KIAA0930: variants seen among roughly 807,000 people sequenced by gnomAD.
The protein encoded by KIAA0930 is KIAA0930, also known as uncharacterized protein KIAA0930.
Under a neutral mutation model 43.9 loss-of-function variants are expected in KIAA0930, and 24 were observed. That is an observed-to-expected ratio of 0.55 (90% CI 0.40 to 0.77). The LOEUF is 0.77. KIAA0930 is among the 30% of genes least tolerant of loss of function. The pLI is 0.00. For synonymous variants in KIAA0930, 259 were observed against 216.4 expected (o/e 1.20, Z -1.73); for missense variants, 461 against 574.2 (o/e 0.80, Z 2.02).
rs61250701 is a variant in KIAA0930, at chr22:45,239,733, C to T, written c.64+907G>A. Among the ~76,000 whole-genome samples the T allele has an allele frequency of 6.0e-3, 910 of 152,300 alleles. 7 individuals carry two copies. Among genetic ancestry groups the T allele is most frequent in the African/African-American group, 0.021 (863 of 41,548 alleles). ...GGCTGACATTCCGTACTCAGCAATG[C>T]TGTCACCCCCTCAGAAATCCCCAGC... On this transcript the variant is annotated intron_variant, in intron 1 of 9. Transcript: ENST00000336156.
rs552983711 is a variant in KIAA0930 at position 45,226,031 on chromosome 22, G to A, written c.65-13924C>T. 7.6e-4 allele frequency: 215 copies of A among 283,582 alleles called. 1 individual carries two copies. The highest frequency in any genetic ancestry group is 4.1e-3 in the African/African-American group (188 of 45,574). 17.6% of individuals were successfully genotyped at this position (283,582 alleles called of 1,614,324 possible). On this transcript the variant is annotated intron_variant, in intron 1 of 9. Coordinates refer to ENST00000336156, the MANE Select transcript of KIAA0930 (RefSeq NM_001009880.2). ...AGAAAAGGCCCTTTGCTGGCAGGGC[G>A]TCCGGGGCCCAGCGCAGGGCAGTAT...
In KIAA0930 at chr22:45,213,495, C is replaced by T. The variant is rs1200481917; in HGVS notation, c.65-1388G>A. On this transcript the variant is annotated intron_variant, in intron 1 of 9. Coordinates refer to ENST00000336156, the MANE Select transcript of KIAA0930 (RefSeq NM_001009880.2). ...CCCAGGCTCACAGGACCCGGGGGAA[C>T]GAAACACGCGTGCTGTCTGCAGAGT... 5.4e-5 allele frequency: 64 copies of T among 1,191,166 alleles called. 1 individual carries two copies. The South Asian group carries it at 9.2e-4, about 17-fold the overall frequency. 73.8% of individuals were successfully genotyped at this position (1,191,166 alleles called of 1,614,324 possible).
At chr22:45,235,891 C>T (rs1162907529) in intron 1 of KIAA0930, among the ~76,000 whole-genome samples, 1 of 152,240 alleles carries the variant, frequency 6.6e-6, no homozygotes, top group Non-Finnish European at 1.5e-5. Context: ...GCCCCCCGGC[C>T]CCCATCACTT....
chr22:45,211,375 T>A, intron 2 of KIAA0930: 1 of 398,764 alleles, frequency 2.5e-6, no homozygotes, highest in East Asian at 3.6e-5. Context: ...ACACTGCGAT[T>A]TAGTGGATGA....
intron 1 of KIAA0930, among the ~76,000 whole-genome samples, chr22:45,219,582 GTT>G (rs535482000): frequency 0.07 from 4,244 of 60,704 alleles, 53 homozygotes; most frequent in Non-Finnish European, 0.1. Context: ...AGAGGTGATT[GTT>G]TTTTTTTTTT....
Position 45,203,826 on chromosome 22 carries a change from G to A in KIAA0930, c.657+19C>T. 2 of 1,612,624 alleles carry A rather than the reference G, an allele frequency of 1.2e-6. No individual in the cohort carries two copies. The highest frequency in any genetic ancestry group is 8.5e-7 in the Non-Finnish European group (1 of 1,179,304). On this transcript the variant is annotated intron_variant, in intron 6 of 9. Coordinates refer to ENST00000336156, the MANE Select transcript of KIAA0930 (RefSeq NM_001009880.2). ...TCCCCGGGCCCAGAAGAACACCCGTGAGGCCGCCCCGCACTCACCCGGTTG... is the reference window on the plus strand; with the variant it reads ...TCCCCGGGCCCAGAAGAACACCCGTAAGGCCGCCCCGCACTCACCCGGTTG...
chr22:45,214,580 G>A (rs1194084115), intron 1 of KIAA0930, among the ~76,000 whole-genome samples: 3 of 152,200 alleles, frequency 2.0e-5, no homozygotes, highest in African/African-American at 7.2e-5. Flanking sequence ...TCTTGATTGT[G>A]ACGCTGGTTT....
intron 7 of KIAA0930, chr22:45,202,632 G>A: frequency 1.0e-5 from 2 of 195,632 alleles, no homozygotes; most frequent in Non-Finnish European, 2.1e-5. Context: ...GGCCGGGCCT[G>A]GGTCCCCAGC....
At position 45,240,745 on chromosome 22, in the gene KIAA0930, G is replaced by C. The variant is rs1440899108; in HGVS notation, c.-42C>G. 2 of 908,710 alleles carry C rather than the reference G, an allele frequency of 2.2e-6. No individual in the cohort carries two copies. The highest frequency in any genetic ancestry group is 2.5e-6 in the Non-Finnish European group (2 of 790,114). The allele number at this position is 908,710 out of a possible 1,614,324, so 56.3% of individuals were successfully genotyped here. Reference sequence around the variant, plus strand: ...TCCTCGGCCTCGGCGCCGCCCGCAGGCTCGGGGGCGGCGGCGGCGGGGAGG... The same window carrying C: ...TCCTCGGCCTCGGCGCCGCCCGCAGCCTCGGGGGCGGCGGCGGCGGGGAGG... On this transcript the variant is annotated 5_prime_UTR_variant, in exon 1 of 10. Transcript: ENST00000336156.
intron 1 of KIAA0930, among the ~76,000 whole-genome samples, chr22:45,222,082 T>C (rs947721207): frequency 6.6e-6 from 1 of 152,176 alleles, no homozygotes; most frequent in African/African-American, 2.4e-5. Context: ...TGTAGATTAT[T>C]CTTCCACAAT....
At chr22:45,197,245 A>C in intron 9 of KIAA0930, 29 bp from the exon 10 acceptor site, 1 of 1,546,412 alleles carries the variant, frequency 6.5e-7, no homozygotes, top group East Asian at 2.5e-5. Context: ...AAGCAGGTGA[A>C]ACAGTAACCC....
chr22:45,203,438 G>A (rs894275048), intron 6 of KIAA0930, among the ~76,000 whole-genome samples: 1 of 152,162 alleles, frequency 6.6e-6, no homozygotes, highest in Non-Finnish European at 1.5e-5. Context: ...CAGCAAGGCT[G>A]GCTGCGGATG....
intron 8 of KIAA0930, 78 bp downstream of exon 8, chr22:45,199,795 T>C (rs1312307162): frequency 7.6e-7 from 1 of 1,308,340 alleles, no homozygotes; most frequent in African/African-American, 1.5e-5. Context: ...AATGAATGAA[T>C]AAATGAATGA....
intron 7 of KIAA0930, chr22:45,201,003 A>AT (rs766236574): frequency 4.1e-5 from 22 of 532,776 alleles, no homozygotes; most frequent in Admixed American, 3.5e-4. Flanking sequence ...AACTTGGCCC[A>AT]TCTCCTCCCT....
chr22:45,214,546 G>A (rs1283915306), intron 1 of KIAA0930, among the ~76,000 whole-genome samples: 1 of 152,226 alleles, frequency 6.6e-6, no homozygotes, highest in African/African-American at 2.4e-5. Flanking sequence ...AAGCAGGAGG[G>A]TGGTTGCCCT....
At chr22:45,219,516 T>G (rs996560923) in intron 1 of KIAA0930, among the ~76,000 whole-genome samples, 2 of 129,882 alleles carry the variant, frequency 1.5e-5, no homozygotes, top group Non-Finnish European at 1.6e-5. Context: ...CTGTATTAAA[T>G]AAAGAAAAAT....
intron 1 of KIAA0930, among the ~76,000 whole-genome samples, chr22:45,214,667 G>A (rs1191438617): frequency 6.6e-6 from 1 of 152,118 alleles, no homozygotes; most frequent in African/African-American, 2.4e-5. Context: ...CCAGCACTTT[G>A]GGAGGCCAAG....
chr22:45,212,105 A>G lies in KIAA0930; in HGVS notation c.67T>C (p.Cys23Arg), dbSNP rs1361640903. Residue 23 changes from cysteine to arginine, a missense_variant and splice_region_variant, in exon 2 of 10, where the codon TGC (cysteine) becomes CGC (arginine). Physicochemically the swap from Cys to Arg is radical, Grantham distance 180. Transcript: ENST00000336156. ...SLRREVCGLG[C>R]FKDDRIVFWT... ...AAGACGATGCGGTCATCCTTGAAGC[A>G]CCCTGCAGAGGGAGGCCAGACAGGA... 1 of 1,613,706 alleles carries G rather than the reference A, an allele frequency of 6.2e-7. No individual in the cohort carries two copies. The highest frequency in any genetic ancestry group is 1.7e-5 in the Admixed American group (1 of 60,004).
chr22:45,216,371 C>T (rs2083732616), intron 1 of KIAA0930, among the ~76,000 whole-genome samples: 1 of 151,896 alleles, frequency 6.6e-6, no homozygotes, highest in Admixed American at 6.5e-5. Flanking sequence ...AAGTGCTCTG[C>T]TGGCTGCACG....
Sources: allele counts gnomAD v4.1 joint callset (sites outside exome capture counted in the v4.1 genomes callset), GRCh38; gene constraint gnomAD v4.1.1; transcripts MANE v1.5; gene names NCBI Gene and HGNC (gene_info 2026-07-23, HGNC 2026-07-21).